Variants in TLL1 observed in about 807,000 individuals in gnomAD.
TLL1 encodes tolloid-like protein 1.
In TLL1, 49 loss-of-function variants were observed where a neutral mutation model predicts 128.2. The ratio of observed to expected loss-of-function variants is 0.38; its 90% CI spans 0.30 to 0.48. TLL1 has a LOEUF of 0.48. TLL1 is among the 20% of genes least tolerant of loss of function. The probability of loss-of-function intolerance (pLI) is 0.96; values close to 1 mark genes in which losing one functional copy is unlikely to be tolerated. For synonymous variants in TLL1, 454 were observed against 418.8 expected, an observed-to-expected ratio of 1.08 and a Z score of -1.03; for missense variants, 1,123 against 1,242.0, an observed-to-expected ratio of 0.90 and a Z score of 1.44.
At chr4:165,880,850 C>T (rs1356252091) in intron 1 of TLL1, among the ~76,000 whole-genome samples, 1 of 152,164 alleles carries the variant, frequency 6.6e-6, no homozygotes, top group African/African-American at 2.4e-5. Flanking sequence ...GATTGTGTAC[C>T]ACAGAGCCAC....
intron 7 of TLL1, among the ~76,000 whole-genome samples, chr4:166,012,548 G>T (rs1737743836): frequency 6.6e-6 from 1 of 151,590 alleles, no homozygotes; most frequent in Non-Finnish European, 1.5e-5. Context: ...AAAGAAAATG[G>T]TAAATGCTTT....
intron 1 of TLL1, among the ~76,000 whole-genome samples, chr4:165,875,364 T>C (rs370892988): frequency 1.3e-5 from 2 of 152,238 alleles, no homozygotes; most frequent in East Asian, 3.9e-4. Flanking sequence ...GACCCATTGT[T>C]CTGACAAAAA....
chr4:166,081,794 A>G (rs771956428), intron 18 of TLL1, among the ~76,000 whole-genome samples: 1 of 151,984 alleles, frequency 6.6e-6, no homozygotes, highest in Non-Finnish European at 1.5e-5. Context: ...TCAGGGTAGA[A>G]GCAAAACTAG....
chr4:166,041,808 C>G (rs1482083094), intron 10 of TLL1, among the ~76,000 whole-genome samples: 1 of 152,158 alleles, frequency 6.6e-6, no homozygotes, highest in Non-Finnish European at 1.5e-5. Context: ...GTCAGCTACT[C>G]TGAGGCTGAT....
At chr4:165,902,583 G>A (rs1287008641) in intron 1 of TLL1, among the ~76,000 whole-genome samples, 1 of 152,146 alleles carries the variant, frequency 6.6e-6, no homozygotes, top group Non-Finnish European at 1.5e-5. Context: ...GCCCCACCCT[G>A]CTTTGGCTTG....
In TLL1 at chr4:166,004,834, T is replaced by C. The variant is rs191787464; in HGVS notation, c.811+1265T>C. 1.1e-3 allele frequency among the ~76,000 whole-genome samples: 172 copies of C among 152,178 alleles called. 1 individual carries two copies. Among genetic ancestry groups the C allele is most frequent in the African/African-American group, 3.9e-3 (161 of 41,546 alleles). On this transcript the variant is annotated intron_variant, in intron 6 of 20. Coordinates refer to ENST00000061240, the MANE Select transcript of TLL1 (RefSeq NM_012464.5). ...AAACCTGGGGAGGAAATTCAGGTTT[T>C]ATTCTCTAGCTAGTGGGGAATAATT... is the stretch of plus-strand genomic sequence containing the variant.
Position 166,025,174 on chromosome 4 carries a change from T to C in TLL1, c.1043-142T>C, listed in dbSNP as rs911961091. On this transcript the variant is annotated intron_variant, in intron 8 of 20. Coordinates refer to ENST00000061240, the MANE Select transcript of TLL1 (RefSeq NM_012464.5). ...TCCAGTAAGGGACATAAAAATAAATTTACTTAGAAAGGAAACGTCTTCTAT... is the reference window on the plus strand; with the variant it reads ...TCCAGTAAGGGACATAAAAATAAATCTACTTAGAAAGGAAACGTCTTCTAT... 4.8e-6 allele frequency: 3 copies of C among 631,534 alleles called. No individual in the cohort carries two copies. The East Asian group carries it at 8.5e-5, about 18-fold the overall frequency. 39.1% of individuals were successfully genotyped at this position (631,534 alleles called of 1,614,324 possible).
intron 1 of TLL1, among the ~76,000 whole-genome samples, chr4:165,910,514 C>T (rs1732481642): frequency 6.6e-6 from 1 of 152,048 alleles, no homozygotes; most frequent in Non-Finnish European, 1.5e-5. Flanking sequence ...AGGGAATTTT[C>T]AAGAGTCCCT....
chr4:165,930,853 A>T lies in TLL1; in HGVS notation c.169+56780A>T, dbSNP rs77327723. On this transcript the variant is annotated intron_variant, in intron 1 of 20. Coordinates refer to ENST00000061240, the MANE Select transcript of TLL1 (RefSeq NM_012464.5). The stretch of plus-strand genomic sequence containing the variant: ...GAAACACTTCTTGTAATTTATAAGC[A>T]CTCCAGAAAAAAACATATGCATATA... 4.3e-3 allele frequency among the ~76,000 whole-genome samples: 658 copies of T among 152,296 alleles called. 3 individuals carry two copies. Among genetic ancestry groups the T allele is most frequent in the African/African-American group, 0.014 (578 of 41,576 alleles).
chr4:165,925,138 CAG>C (rs1235303669), intron 1 of TLL1, among the ~76,000 whole-genome samples: 1 of 152,212 alleles, frequency 6.6e-6, no homozygotes, highest in African/African-American at 2.4e-5. Context: ...CTATATCTCA[CAG>C]AGGAGCAATT....
rs1382741811 is a variant in TLL1 at position 166,099,424 on chromosome 4, C to G, written c.2804C>G (p.Thr935Arg). The change falls in exon 20 of 21, where the codon ACA (threonine) becomes AGA (arginine). Residue 935 changes from threonine to arginine, a missense_variant. By Grantham distance (71) the Thr-to-Arg change is moderately conservative. Around this residue, in one of 3 missense-constraint regions of TLL1, gnomAD observed 634 missense variants for 672.4 expected, o/e 0.94. Transcript: ENST00000061240. ...RGSRLELSFQ[T>R]FEVEEEADCG... Reference sequence around the variant, plus strand: ...TCTCGACTTGAATTATCCTTCCAGACATTTGAAGTGGAGGAAGAAGCAGAC... The same window carrying G: ...TCTCGACTTGAATTATCCTTCCAGAGATTTGAAGTGGAGGAAGAAGCAGAC... 1 of 1,613,392 alleles carries G rather than the reference C, an allele frequency of 6.2e-7. No individual in the cohort carries two copies. The highest frequency in any genetic ancestry group is 8.5e-7 in the Non-Finnish European group (1 of 1,179,664).
chr4:165,998,559 C>T (rs191989783), intron 5 of TLL1, among the ~76,000 whole-genome samples: 3,247 of 151,720 alleles, frequency 0.021, 124 homozygotes, highest in African/African-American at 0.075. Context: ...TTTGGGAGGC[C>T]GAGGCGGGCG....
intron 15 of TLL1, among the ~76,000 whole-genome samples, chr4:166,062,314 A>G (rs1300764567): frequency 5.3e-5 from 8 of 152,116 alleles, no homozygotes; most frequent in Admixed American, 3.3e-4. Flanking sequence ...TGGGCAGTAT[A>G]GCCATTTTCA....
At chr4:166,030,785 T>C (rs752972900) in intron 9 of TLL1, 45 of 1,082,002 alleles carry the variant, frequency 4.2e-5, no homozygotes, top group East Asian at 5.8e-5. Flanking sequence ...ACTTCTATTA[T>C]GGCTTATTTT....
At chr4:165,911,001 C>G (rs1485966036) in intron 1 of TLL1, among the ~76,000 whole-genome samples, 1 of 152,098 alleles carries the variant, frequency 6.6e-6, no homozygotes, top group Non-Finnish European at 1.5e-5. Flanking sequence ...TTTAGGATAT[C>G]CATCACTTTG....
chr4:165,887,723 A>G (rs1731225083), intron 1 of TLL1, among the ~76,000 whole-genome samples: 1 of 152,174 alleles, frequency 6.6e-6, no homozygotes, highest in African/African-American at 2.4e-5. Flanking sequence ...TTTGATTGCC[A>G]TGGCATTGAA....
chr4:165,936,070 G>A (rs916364000), intron 1 of TLL1, among the ~76,000 whole-genome samples: 2 of 150,788 alleles, frequency 1.3e-5, no homozygotes, highest in African/African-American at 2.4e-5. Context: ...TAGAAAGATC[G>A]TTGATTCCTT....
intron 1 of TLL1, among the ~76,000 whole-genome samples, chr4:165,943,166 G>A (rs1352781321): frequency 6.6e-6 from 1 of 151,948 alleles, no homozygotes; most frequent in African/African-American, 2.4e-5. Context: ...CATTCAAATA[G>A]AATCATTGCT....
chr4:166,052,965 G>GTGTGTGTA, intron 12 of TLL1, among the ~76,000 whole-genome samples: 1,327 of 99,706 alleles, frequency 0.013, 105 homozygotes, highest in African/African-American at 0.048. Context: ...GAGGTTATGT[G>GTGTGTGTA]TATATATATA....
Sources: gnomAD v4.1 joint callset for allele counts (sites outside exome capture counted in the v4.1 genomes callset) on GRCh38, gnomAD v4.1.1 for gene constraint, gnomAD v4.1.1 regional missense constraint, MANE v1.5 for transcripts, NCBI Gene and HGNC (gene_info 2026-07-23, HGNC 2026-07-21) for gene names.